The following MTA3 variants were observed in gnomAD, a reference collection of about 807,000 sequenced individuals.
MTA3 encodes the protein metastasis-associated protein MTA3.
In MTA3, 34 loss-of-function variants were observed where a neutral mutation model predicts 83.5. The ratio of observed to expected loss-of-function variants is 0.41; its 90% CI spans 0.31 to 0.54. The LOEUF (loss-of-function observed/expected upper bound fraction) is 0.54. Among genes scored for constraint, MTA3 ranks in the 20% least tolerant of loss-of-function variants. MTA3 has a pLI of 0.33. For synonymous variants in MTA3, 303 were observed against 252.7 expected (o/e 1.20, Z -1.89); for missense variants, 761 against 726.4 (o/e 1.05, Z -0.55).
At chr2:42,669,797 G>A (rs574285644) in intron 8 of MTA3, among the ~76,000 whole-genome samples, 1 of 152,182 alleles carries the variant, frequency 6.6e-6, no homozygotes, top group Non-Finnish European at 1.5e-5. Context: ...GGTAAATACA[G>A]CCTTTTACTT....
At chr2:42,751,489 C>A (rs912246050) in intron 16 of MTA3, among the ~76,000 whole-genome samples, 4 of 152,096 alleles carry the variant, frequency 2.6e-5, no homozygotes, top group African/African-American at 9.7e-5. Flanking sequence ...TGCAGAGGAT[C>A]TGGGGAAGCT....
intron 2 of MTA3, among the ~76,000 whole-genome samples, chr2:42,539,084 GT>G (rs1410374209): frequency 1.3e-5 from 2 of 152,160 alleles, no homozygotes; most frequent in African/African-American, 4.8e-5. Context: ...TGAAAAAAAT[GT>G]TATAAGTGTT....
intron 14 of MTA3, chr2:42,709,418 C>A: frequency 9.8e-6 from 6 of 609,722 alleles, no homozygotes; most frequent in Non-Finnish European, 1.2e-5. Context: ...AGCACTTTTA[C>A]CTTTTAGGTA....
chr2:42,681,841 T>C (rs1356726310), intron 8 of MTA3, among the ~76,000 whole-genome samples: 1 of 148,718 alleles, frequency 6.7e-6, no homozygotes, highest in African/African-American at 2.5e-5. Context: ...CAGTGAGCTA[T>C]GACCATGCCA....
At position 42,723,019 on chromosome 2, in the gene MTA3, T is replaced by A. The variant is rs1558620719; in HGVS notation, c.1743T>A (p.His581Gln). ...TTCTGGGGAAAAGAAACTACAGTCATCACAATGGTCTGGATGGTATGTAAG... is the reference window on the plus strand; with the variant it reads ...TTCTGGGGAAAAGAAACTACAGTCAACACAATGGTCTGGATGGTATGTAAG... ...LSILGKRNYS[H>Q]HNGLDELTCC... The change falls in exon 16 of 17, where the codon CAT (histidine) becomes CAA (glutamine). Residue 581 changes from histidine to glutamine, a missense_variant. By Grantham distance (24) the His-to-Gln change is conservative (BLOSUM62 0). Transcript: ENST00000405094. The A allele has an allele frequency of 6.4e-7, 1 of 1,550,720 alleles. No individual in the cohort carries two copies. The highest frequency in any genetic ancestry group is 8.7e-7 in the Non-Finnish European group (1 of 1,147,044).
chr2:42,612,671 G>C (rs1245670483), intron 4 of MTA3, among the ~76,000 whole-genome samples: 1 of 152,132 alleles, frequency 6.6e-6, no homozygotes, highest in Non-Finnish European at 1.5e-5. Context: ...GACCAGCCTA[G>C]CCAACATGGT....
intron 3 of MTA3, among the ~76,000 whole-genome samples, chr2:42,584,160 AC>A (rs1470913094): frequency 6.6e-6 from 1 of 152,060 alleles, no homozygotes; most frequent in Non-Finnish European, 1.5e-5. Flanking sequence ...CTTAAAAAAA[AC>A]AAACTTTTTA....
At position 42,682,748 on chromosome 2, in the gene MTA3, A is replaced by G. The variant is rs2104438664; in HGVS notation, c.891+159A>G. ...GTTAGTCTTGTAAAGGGAGAAACTG[A>G]TAATTGTTTGGAGGAGTAGTTGTAG... On this transcript the variant is annotated intron_variant, in intron 9 of 16. Coordinates refer to ENST00000405094, the MANE Select transcript of MTA3 (RefSeq NM_001330442.2). The G allele has an allele frequency of 7.3e-6, 5 of 684,440 alleles. No homozygotes were observed. The South Asian group carries it at 9.8e-5, about 13-fold the overall frequency. 42.4% of individuals were successfully genotyped at this position (684,440 alleles called of 1,614,324 possible).
chr2:42,625,538 A>C (rs1254250263), intron 4 of MTA3, among the ~76,000 whole-genome samples: 1 of 150,428 alleles, frequency 6.6e-6, no homozygotes. Context: ...TGAGGTCAGG[A>C]GATTGAGACC....
rs543126493 is a variant in MTA3 at position 42,524,703 on chromosome 2, A to G, written c.-141+29449A>G. 1.2e-4 allele frequency among the ~76,000 whole-genome samples: 18 copies of G among 151,714 alleles called. No homozygotes were observed. In the East Asian group the frequency reaches 3.3e-3, roughly 28 times the overall value. On this transcript the variant is annotated intron_variant, in intron 2 of 17. Coordinates refer to the MTA3 transcript ENST00000405592. ...CTTCACATACCCTGGCCCAAGATTC[A>G]TGCCAAAGACAGATGCTCCCAATCT... is the stretch of plus-strand genomic sequence containing the variant.
chr2:42,733,495 T>G (rs1668386290), intron 16 of MTA3, among the ~76,000 whole-genome samples: 3 of 152,220 alleles, frequency 2.0e-5, no homozygotes, highest in Admixed American at 2.0e-4. Context: ...TCAAGGCTCT[T>G]TTTGCTATAA....
At chr2:42,568,998 C>T (rs942624029) in intron 1 of MTA3, among the ~76,000 whole-genome samples, 2 of 152,034 alleles carry the variant, frequency 1.3e-5, no homozygotes, top group Non-Finnish European at 2.9e-5. Flanking sequence ...CACCCTCGCA[C>T]CCCGCCCAGT....
At chr2:42,500,397 T>C (rs1674342924) in intron 2 of MTA3, among the ~76,000 whole-genome samples, 1 of 151,436 alleles carries the variant, frequency 6.6e-6, no homozygotes, top group Non-Finnish European at 1.5e-5. Flanking sequence ...AGATTCCATC[T>C]CAAAAAAAAA....
At chr2:42,622,809 T>C (rs1487583433) in intron 4 of MTA3, among the ~76,000 whole-genome samples, 1 of 152,134 alleles carries the variant, frequency 6.6e-6, no homozygotes, top group African/African-American at 2.4e-5. Flanking sequence ...AAGAGAATCT[T>C]GAGAACAAAA....
At chr2:42,658,071 C>CAAAAAAAAAAA (rs59628946) in intron 7 of MTA3, among the ~76,000 whole-genome samples, 8 of 51,932 alleles carry the variant, frequency 1.5e-4, no homozygotes, top group African/African-American at 6.3e-4. Context: ...GACTCTGTCT[C>CAAAAAAAAAAA]AAAAAAAAAA....
chr2:42,709,170 T>C lies in MTA3; in HGVS notation c.1525+74T>C, dbSNP rs1049728707. On this transcript the variant is annotated intron_variant, in intron 14 of 16. Transcript: ENST00000405094. ...TTTCTCTTTTCCTCTCTTTCCTTTT[T>C]TTTTTGTTTGTTTGTTTGCAATAAA... 3.3e-6 allele frequency: 5 copies of C among 1,499,620 alleles called. No homozygotes were observed. In the African/African-American group the frequency reaches 7.1e-5, roughly 21 times the overall value. The allele number at this position is 1,499,620 out of a possible 1,614,324, so 92.9% of individuals were successfully genotyped here. A position where few individuals can be genotyped will look rare whatever the true frequency, so the allele number is the denominator to read the frequency against.
At chr2:42,741,505 G>T (rs181664797) in intron 16 of MTA3, among the ~76,000 whole-genome samples, 12 of 152,270 alleles carry the variant, frequency 7.9e-5, no homozygotes, top group Admixed American at 7.8e-4. Context: ...GATTTAAAGT[G>T]AGAGATACCC....
intron 3 of MTA3, among the ~76,000 whole-genome samples, chr2:42,605,899 T>C (rs375924573): frequency 6.4e-5 from 6 of 94,286 alleles, no homozygotes; most frequent in Non-Finnish European, 1.1e-4. Context: ...GGCTCCTCAC[T>C]TCCCAGTAGG....
intron 14 of MTA3, among the ~76,000 whole-genome samples, chr2:42,716,748 T>C (rs1386608211): frequency 6.6e-6 from 1 of 152,194 alleles, no homozygotes; most frequent in Non-Finnish European, 1.5e-5. Flanking sequence ...GATATTTAGG[T>C]TGATTCCATG....
Sources: gnomAD v4.1 joint callset for allele counts (sites outside exome capture counted in the v4.1 genomes callset) on GRCh38, gnomAD v4.1.1 for gene constraint, MANE v1.5 for transcripts, NCBI Gene and HGNC (gene_info 2026-07-23, HGNC 2026-07-21) for gene names.